Variants in NOS1 observed in about 807,000 individuals in gnomAD.
NOS1 encodes the protein NOS type I.
In NOS1, 51 loss-of-function variants were observed where a neutral mutation model predicts 164.5. The observed-to-expected ratio is 0.31, with a 90% CI of 0.25 to 0.39. NOS1 has a LOEUF of 0.39. NOS1 is among the 10% of genes least tolerant of loss of function. NOS1 has a pLI of 1.00. For synonymous variants in NOS1, 719 were observed against 745.8 expected, an observed-to-expected ratio of 0.96 and a Z score of 0.59; for missense variants, 1,362 against 1,885.6, an observed-to-expected ratio of 0.72 and a Z score of 5.14.
At position 117,208,503 on chromosome 12, in the gene NOS1, C is replaced by T. The variant is rs1227851371; in HGVS notation, c.*6806G>A. On this transcript the variant is annotated 3_prime_UTR_variant, in exon 29 of 29. Transcript: ENST00000317775. ...CTGCGACGTGGGGTGCCCGGCACCG[C>T]TCTTTGGGCCTTCTGGAAAACCACT... 2 of 1,233,674 alleles carry T rather than the reference C, an allele frequency of 1.6e-6. No individual in the cohort carries two copies. Among genetic ancestry groups the T allele is most frequent in the Non-Finnish European group, 2.1e-6 (2 of 958,334 alleles). 76.4% of individuals were successfully genotyped at this position (1,233,674 alleles called of 1,614,324 possible).
At chr12:117,222,689 C>T (rs752627660) in intron 26 of NOS1, 26 bp downstream of exon 26, 1 of 1,610,698 alleles carries the variant, frequency 6.2e-7, no homozygotes, top group Non-Finnish European at 8.5e-7. Flanking sequence ...TTGGGCTGGG[C>T]TAGGGGGTGG....
Position 117,210,604 on chromosome 12 carries a change from C to T in NOS1, c.*4705G>A, listed in dbSNP as rs536893456. 1.1e-5 allele frequency: 11 copies of T among 985,540 alleles called. No individual in the cohort carries two copies. The highest frequency in any genetic ancestry group is 1.7e-5 in the African/African-American group (1 of 57,370). The allele number at this position is 985,540 out of a possible 1,614,324, so 61.0% of individuals were successfully genotyped here. A position where few individuals can be genotyped will look rare whatever the true frequency, so the allele number is the denominator to read the frequency against. On this transcript the variant is annotated 3_prime_UTR_variant, in exon 29 of 29. Coordinates refer to ENST00000317775, the MANE Select transcript of NOS1 (RefSeq NM_000620.5). Reference sequence around the variant, plus strand: ...CGCTGGTGCTGTCGGAGTGAAGGGGCTCAGGCATCTGGATTGCCCATCCTA... The same window carrying T: ...CGCTGGTGCTGTCGGAGTGAAGGGGTTCAGGCATCTGGATTGCCCATCCTA...
At chr12:117,353,587 T>TG (rs139490642) in intron 1 of NOS1, among the ~76,000 whole-genome samples, 3,102 of 152,304 alleles carry the variant, frequency 0.02, 104 homozygotes, top group African/African-American at 0.069. Flanking sequence ...TCATCCCTGT[T>TG]GGTTAGGAGA....
At chr12:117,287,320 A>T (rs865857) in intron 5 of NOS1, among the ~76,000 whole-genome samples, 1 of 152,248 alleles carries the variant, frequency 6.6e-6, no homozygotes, top group Admixed American at 6.5e-5. Context: ...ACATGAACTT[A>T]AATTCCATTA....
At chr12:117,268,516 G>A (rs138048937) in intron 10 of NOS1, among the ~76,000 whole-genome samples, 276 of 151,928 alleles carry the variant, frequency 1.8e-3, no homozygotes, top group African/African-American at 6.1e-3. Context: ...ACAGGCGTGA[G>A]GCACCTTGCC....
Position 117,247,432 on chromosome 12 carries a change from C to T in NOS1, c.2739G>A (p.Gly913=), listed in dbSNP as rs772604104. 5 of 1,613,006 alleles carry T rather than the reference C, an allele frequency of 3.1e-6. No individual in the cohort carries two copies. The highest frequency in any genetic ancestry group is 1.1e-5 in the South Asian group (1 of 90,812). Residue 913 remains glycine (G), a synonymous_variant, in exon 18 of 29, where the codon GGG becomes GGA. Transcript: ENST00000317775. ...CTTCCCTCATCTTCAGGATCCTCTC[C>T]CCTCCCAGTTCTTCCAGGAGGGTGT... is the stretch of plus-strand genomic sequence containing the variant. ...AVDTLLEELG[G]ERILKMREGD...
intron 3 of NOS1, among the ~76,000 whole-genome samples, chr12:117,293,804 G>A (rs1265134789): frequency 6.6e-6 from 1 of 152,062 alleles, no homozygotes. Context: ...CATGATAAAG[G>A]TTTGGGCGAG....
At chr12:117,335,669 A>C (rs1875771847) in intron 1 of NOS1, among the ~76,000 whole-genome samples, 1 of 150,000 alleles carries the variant, frequency 6.7e-6, no homozygotes, top group East Asian at 2.0e-4. Context: ...CTTACTGTGC[A>C]CTAAGCATTG....
At chr12:117,261,466 T>C (rs936980133) in intron 13 of NOS1, among the ~76,000 whole-genome samples, 1 of 151,922 alleles carries the variant, frequency 6.6e-6, no homozygotes, top group Admixed American at 6.6e-5. Context: ...AATGTGTGTG[T>C]GTATGCACAT....
At chr12:117,269,850 C>T (rs933777071) in intron 10 of NOS1, among the ~76,000 whole-genome samples, 2 of 152,150 alleles carry the variant, frequency 1.3e-5, no homozygotes, top group Admixed American at 6.5e-5. Context: ...TCCTACTCTA[C>T]CCCCAGAGTG....
chr12:117,339,586 G>C (rs1242459878), intron 1 of NOS1, among the ~76,000 whole-genome samples: 1 of 152,148 alleles, frequency 6.6e-6, no homozygotes, highest in Non-Finnish European at 1.5e-5. Flanking sequence ...CTTCTTTGCA[G>C]GGTTCTGAAT....
intron 2 of NOS1, among the ~76,000 whole-genome samples, chr12:117,315,693 G>C (rs1874638637): frequency 6.6e-6 from 1 of 152,202 alleles, no homozygotes; most frequent in Non-Finnish European, 1.5e-5. Flanking sequence ...TTAAGGATGT[G>C]GCTGTGGATT....
intron 8 of NOS1, 99 bp downstream of exon 8, chr12:117,280,626 C>T (rs552319443): frequency 1.9e-5 from 23 of 1,234,836 alleles, no homozygotes; most frequent in African/African-American, 6.0e-5. Context: ...ACCCCATCAG[C>T]GGATCTCCTG....
At chr12:117,231,255 T>A (rs769001874) in intron 22 of NOS1, among the ~76,000 whole-genome samples, 31 of 151,554 alleles carry the variant, frequency 2.0e-4, no homozygotes, top group Non-Finnish European at 3.4e-4. Flanking sequence ...GAAATGGAGG[T>A]TGCAGTGAAC....
intron 2 of NOS1, among the ~76,000 whole-genome samples, chr12:117,313,527 C>T (rs1874533612): frequency 6.6e-6 from 1 of 152,180 alleles, no homozygotes; most frequent in Admixed American, 6.5e-5. Context: ...AACTCCCAAA[C>T]TCAAGTGATC....
At position 117,356,792 on chromosome 12, in the gene NOS1, A is replaced by G. The variant is rs919556647; in HGVS notation, c.-421+4720T>C. Among the ~76,000 whole-genome samples the G allele has an allele frequency of 2.6e-5, 4 of 152,198 alleles. No individual in the cohort carries two copies. Reference sequence around the variant, plus strand: ...CTGTTGACACGTCATTTTCATTTAAAAGATTCGAATGGGCTCAATTTTCCA... The same window carrying G: ...CTGTTGACACGTCATTTTCATTTAAGAGATTCGAATGGGCTCAATTTTCCA... On this transcript the variant is annotated intron_variant, in intron 1 of 28. Coordinates refer to ENST00000317775, the MANE Select transcript of NOS1 (RefSeq NM_000620.5). The surrounding 1 kb of genome is among the most constrained non-coding windows in gnomAD (Gnocchi z 4.2).
chr12:117,251,331 T>C (rs143680396), intron 17 of NOS1, among the ~76,000 whole-genome samples: 2 of 152,268 alleles, frequency 1.3e-5, no homozygotes, highest in African/African-American at 4.8e-5. Context: ...CTCCCAACTC[T>C]TGTGTTCACC....
intron 2 of NOS1, among the ~76,000 whole-genome samples, chr12:117,316,154 C>G (rs1874656310): frequency 1.3e-5 from 2 of 152,134 alleles, no homozygotes; most frequent in South Asian, 2.1e-4. Flanking sequence ...TATTGTCAGA[C>G]AGTGCAGCCG....
chr12:117,256,241 G>C (rs367784198), intron 16 of NOS1, among the ~76,000 whole-genome samples: 1 of 149,838 alleles, frequency 6.7e-6, no homozygotes, highest in Non-Finnish European at 1.5e-5. Context: ...ATGTGAATAC[G>C]GCAGCATGTT....
Sources: gnomAD v4.1 joint callset for allele counts (sites outside exome capture counted in the v4.1 genomes callset) on GRCh38, gnomAD v4.1.1 for gene constraint, Gnocchi (gnomAD v3.1) non-coding constraint, MANE v1.5 for transcripts, NCBI Gene and HGNC (gene_info 2026-07-23, HGNC 2026-07-21) for gene names.